Variants in MYO1D observed in about 807,000 individuals in gnomAD.
MYO1D encodes the protein unconventional myosin-Id.
Under a neutral mutation model 122.0 loss-of-function variants are expected in MYO1D, and 83 were observed. That is an observed-to-expected ratio of 0.68 (90% CI 0.57 to 0.82). The LOEUF (loss-of-function observed/expected upper bound fraction) is 0.82, where lower values mean the gene tolerates loss of function less well. Among genes scored for constraint, MYO1D ranks in the 40% least tolerant of loss-of-function variants. The pLI is 0.00. For synonymous variants in MYO1D, 464 were observed against 446.9 expected, an observed-to-expected ratio of 1.04 and a Z score of -0.48; for missense variants, 1,157 against 1,269.5, an observed-to-expected ratio of 0.91 and a Z score of 1.35.
In MYO1D at chr17:32,494,547, T is replaced by C; in HGVS notation, c.*212A>G. On this transcript the variant is annotated 3_prime_UTR_variant, in exon 22 of 22. Coordinates refer to ENST00000318217, the MANE Select transcript of MYO1D (RefSeq NM_015194.3). ...GGGGTCTGGGCGGGGCACCAGGGTCTTTGGCTTATTGAACAGGGACCGTGG... is the reference window on the plus strand; with the variant it reads ...GGGGTCTGGGCGGGGCACCAGGGTCCTTGGCTTATTGAACAGGGACCGTGG... 1 of 638,842 alleles carries C rather than the reference T, an allele frequency of 1.6e-6. No individual in the cohort carries two copies. The highest frequency in any genetic ancestry group is 2.6e-6 in the Non-Finnish European group (1 of 381,466). The allele number at this position is 638,842 out of a possible 1,614,324, so 39.6% of individuals were successfully genotyped here.
intron 5 of MYO1D, among the ~76,000 whole-genome samples, chr17:32,772,096 C>A: frequency 6.6e-6 from 1 of 152,216 alleles, no homozygotes; most frequent in Middle Eastern, 3.4e-3. Context: ...TGAATTGCAT[C>A]CAATTGTATT....
intron 19 of MYO1D, among the ~76,000 whole-genome samples, chr17:32,648,543 T>A (rs1354892974): frequency 6.6e-6 from 1 of 152,128 alleles, no homozygotes; most frequent in African/African-American, 2.4e-5. Flanking sequence ...CAAGGCATGA[T>A]TAGAGGGTTG....
intron 21 of MYO1D, chr17:32,510,535 C>G (rs1909655294): frequency 6.6e-6 from 1 of 152,246 alleles, no homozygotes; most frequent in African/African-American, 2.4e-5. Context: ...TTACTATTCT[C>G]CAGCACACAT....
intron 16 of MYO1D, among the ~76,000 whole-genome samples, chr17:32,700,023 C>T (rs534717797): frequency 3.9e-5 from 6 of 152,044 alleles, no homozygotes; most frequent in African/African-American, 1.4e-4. Context: ...AAAATACACA[C>T]ACAAAACATG....
intron 21 of MYO1D, among the ~76,000 whole-genome samples, chr17:32,558,807 C>T (rs1003305768): frequency 2.6e-5 from 4 of 152,174 alleles, no homozygotes; most frequent in African/African-American, 4.8e-5. Flanking sequence ...GACACTGAGG[C>T]GGGGAGTAGA....
intron 1 of MYO1D, among the ~76,000 whole-genome samples, chr17:32,811,269 C>G (rs1424882611): frequency 6.6e-6 from 1 of 152,192 alleles, no homozygotes; most frequent in Non-Finnish European, 1.5e-5. Flanking sequence ...CTCAAGTAAA[C>G]CTCTACCAGT....
chr17:32,870,788 C>T (rs1272575139), intron 1 of MYO1D, among the ~76,000 whole-genome samples: 1 of 152,068 alleles, frequency 6.6e-6, no homozygotes, highest in African/African-American at 2.4e-5. Context: ...TTGCACCTTC[C>T]CCTTCCAAAG....
At chr17:32,697,704 T>C (rs1046328782) in intron 16 of MYO1D, among the ~76,000 whole-genome samples, 1 of 152,264 alleles carries the variant, frequency 6.6e-6, no homozygotes, top group African/African-American at 2.4e-5. Flanking sequence ...AGCTGATTCA[T>C]ACATCAACAT....
chr17:32,616,199 G>C (rs896245219), intron 20 of MYO1D, among the ~76,000 whole-genome samples: 1 of 152,148 alleles, frequency 6.6e-6, no homozygotes, highest in African/African-American at 2.4e-5. Flanking sequence ...CTCTACTTAA[G>C]GAACTGTGCC....
chr17:32,809,635 T>C (rs1274120584), intron 1 of MYO1D, among the ~76,000 whole-genome samples: 1 of 152,050 alleles, frequency 6.6e-6, no homozygotes, highest in Non-Finnish European at 1.5e-5. Flanking sequence ...GACAGGGTTT[T>C]ACCATGTTGG....
chr17:32,500,279 C>G (rs988362718), intron 21 of MYO1D, among the ~76,000 whole-genome samples: 1 of 152,234 alleles, frequency 6.6e-6, no homozygotes, highest in Non-Finnish European at 1.5e-5. Context: ...ACTTCGCACA[C>G]TCACTGCAGC....
Position 32,711,437 on chromosome 17 carries a change from C to T in MYO1D, c.2121+551G>A, listed in dbSNP as rs952597935. ...CCGAGGTGGGCAGATCACGAGGTCACGAGTTCGAGACCAGCCTGACCAACA... is the reference window on the plus strand; with the variant it reads ...CCGAGGTGGGCAGATCACGAGGTCATGAGTTCGAGACCAGCCTGACCAACA... On this transcript the variant is annotated intron_variant, in intron 16 of 21. Transcript: ENST00000318217. Among the ~76,000 whole-genome samples the T allele has an allele frequency of 4.6e-5, 7 of 152,198 alleles. No individual in the cohort carries two copies. In the Middle Eastern group the frequency reaches 0.01, roughly 222 times the overall value.
At chr17:32,565,881 T>TCC (rs2087168790) in intron 21 of MYO1D, among the ~76,000 whole-genome samples, 2 of 152,040 alleles carry the variant, frequency 1.3e-5, no homozygotes, top group African/African-American at 4.8e-5. Context: ...CCACCAGGTG[T>TCC]GGCTAATTTT....
intron 16 of MYO1D, among the ~76,000 whole-genome samples, chr17:32,669,067 G>C (rs1322447058): frequency 6.6e-6 from 1 of 152,120 alleles, no homozygotes; most frequent in African/African-American, 2.4e-5. Flanking sequence ...ACTGACTACA[G>C]ATTTCTTTGT....
chr17:32,502,903 A>G (rs1909364299), intron 21 of MYO1D, among the ~76,000 whole-genome samples: 1 of 152,214 alleles, frequency 6.6e-6, no homozygotes, highest in East Asian at 1.9e-4. Flanking sequence ...CTGCCGAGGG[A>G]GGCTGGCTGC....
chr17:32,750,058 TG>T (rs1409460555), intron 11 of MYO1D, among the ~76,000 whole-genome samples: 1 of 152,230 alleles, frequency 6.6e-6, no homozygotes, highest in Non-Finnish European at 1.5e-5. Context: ...CTTATGTACA[TG>T]GAGGCCTGGC....
At chr17:32,589,029 GA>G (rs1183075135) in intron 21 of MYO1D, among the ~76,000 whole-genome samples, 1 of 149,008 alleles carries the variant, frequency 6.7e-6, no homozygotes, top group Non-Finnish European at 1.5e-5. Flanking sequence ...GCCCCTGCAA[GA>G]GAATAAAATT....
chr17:32,542,367 A>T (rs1045042358), intron 21 of MYO1D, among the ~76,000 whole-genome samples: 1 of 152,182 alleles, frequency 6.6e-6, no homozygotes, highest in African/African-American at 2.4e-5. Context: ...TTAAATGCAT[A>T]TGTGTGCAGA....
intron 16 of MYO1D, among the ~76,000 whole-genome samples, chr17:32,665,705 G>A (rs2088626902): frequency 6.6e-6 from 1 of 152,122 alleles, no homozygotes. Context: ...CCTTGCCCAA[G>A]GCCTTCCTCA....
Sources: allele counts gnomAD v4.1 joint callset (sites outside exome capture counted in the v4.1 genomes callset), GRCh38; gene constraint gnomAD v4.1.1; transcripts MANE v1.5; gene names NCBI Gene and HGNC (gene_info 2026-07-23, HGNC 2026-07-21).